Variants in UBAC2 observed in about 807,000 individuals in gnomAD.
UBAC2 encodes UBA domain containing 2, also known as ubiquitin-associated domain-containing protein 2.
A neutral mutation model predicts 44.0 loss-of-function variants in UBAC2; 26 were observed. The observed-to-expected ratio is 0.59, with a 90% CI of 0.43 to 0.82. UBAC2 has a LOEUF of 0.82. Ranked by LOEUF, UBAC2 falls within the 40% of genes least tolerant of loss-of-function variation. The pLI is 0.00. For missense variants in UBAC2, 329 were observed against 419.4 expected, an observed-to-expected ratio of 0.78 and a Z score of 1.88; for synonymous variants, 155 against 154.3, an observed-to-expected ratio of 1.00 and a Z score of -0.04.
chr13:99,343,914 T>C (rs1222697374), intron 7 of UBAC2, among the ~76,000 whole-genome samples: 1 of 152,218 alleles, frequency 6.6e-6, no homozygotes. Context: ...TTTATTTTCA[T>C]TTACTTTTCA....
At chr13:99,231,585 A>G (rs1205037125) in intron 1 of UBAC2, 1 of 150,914 alleles carries the variant, frequency 6.6e-6, no homozygotes, top group African/African-American at 2.4e-5. Context: ...TACTTTTTAT[A>G]TTTTTAGTAG....
Position 99,295,277 on chromosome 13 carries a change from A to G in UBAC2, c.390-18820A>G, listed in dbSNP as rs1310921692. 1 of 1,614,102 alleles carries G rather than the reference A, an allele frequency of 6.2e-7. No individual in the cohort carries two copies. The highest frequency in any genetic ancestry group is 8.5e-7 in the Non-Finnish European group (1 of 1,180,036). ...GTTCATCAGGCATACTGTAAAGTGC[A>G]GAGAAATCTGGAACGAATGTCTTTG... On this transcript the variant is annotated intron_variant, in intron 4 of 8. Coordinates refer to ENST00000403766, the MANE Select transcript of UBAC2 (RefSeq NM_001144072.2). This position sits in a 1 kb window ranked among gnomAD's most constrained non-coding sequence, Gnocchi z 4.1.
rs1283987338 is a variant in UBAC2, at chr13:99,238,567, T to C, written c.159+13T>C. ...GAACGACTTCCAGGTAAGCTCTGCCTCATTGGCCCCTGAGAGGAGAGCGGA... is the reference window on the plus strand; with the variant it reads ...GAACGACTTCCAGGTAAGCTCTGCCCCATTGGCCCCTGAGAGGAGAGCGGA... On this transcript the variant is annotated intron_variant, in intron 2 of 8. Coordinates refer to ENST00000403766, the MANE Select transcript of UBAC2 (RefSeq NM_001144072.2). The C allele has an allele frequency of 6.3e-7, 1 of 1,596,248 alleles. No individual in the cohort carries two copies.
rs138322102 is a variant in UBAC2 at position 99,302,276 on chromosome 13, A to G, written c.390-11821A>G. 1.3e-4 allele frequency among the ~76,000 whole-genome samples: 20 copies of G among 152,368 alleles called. No individual in the cohort carries two copies. In the East Asian group the frequency reaches 1.7e-3, roughly 13 times the overall value. ...TTTGAGGAAAGGTTAAGACTGAGGAAAAATTTCTGGAGCAGGGAGAAATAA... is the reference window on the plus strand; with the variant it reads ...TTTGAGGAAAGGTTAAGACTGAGGAGAAATTTCTGGAGCAGGGAGAAATAA... On this transcript the variant is annotated intron_variant, in intron 4 of 8. Coordinates refer to ENST00000403766, the MANE Select transcript of UBAC2 (RefSeq NM_001144072.2).
At chr13:99,343,292 G>A (rs547123821) in intron 7 of UBAC2, among the ~76,000 whole-genome samples, 19 of 152,332 alleles carry the variant, frequency 1.2e-4, no homozygotes. Flanking sequence ...TTGGCTGTTT[G>A]CGCACGCCCT....
chr13:99,248,789 A>G (rs2043420943), intron 4 of UBAC2, among the ~76,000 whole-genome samples: 3 of 152,270 alleles, frequency 2.0e-5, no homozygotes, highest in African/African-American at 7.2e-5. Flanking sequence ...GGCCTCCCAA[A>G]GGGCTGGGAT....
At chr13:99,219,811 T>C (rs2043035008) in intron 1 of UBAC2, among the ~76,000 whole-genome samples, 2 of 152,250 alleles carry the variant, frequency 1.3e-5, no homozygotes, top group Non-Finnish European at 2.9e-5. Flanking sequence ...AGTGGAGTCA[T>C]ATAGTACATA....
chr13:99,301,153 G>T (rs1223273027), intron 4 of UBAC2, among the ~76,000 whole-genome samples: 2 of 152,194 alleles, frequency 1.3e-5, no homozygotes, highest in Non-Finnish European at 2.9e-5. Context: ...TGGCCCCTCA[G>T]CCGTCCTTCG....
intron 1 of UBAC2, among the ~76,000 whole-genome samples, chr13:99,217,550 T>C (rs2043010939): frequency 6.6e-6 from 1 of 152,182 alleles, no homozygotes; most frequent in South Asian, 2.1e-4. Context: ...TGAGTCCGAC[T>C]TCTTGGGTCC....
intron 6 of UBAC2, among the ~76,000 whole-genome samples, chr13:99,335,577 G>T (rs1262908840): frequency 1.3e-5 from 2 of 152,064 alleles, no homozygotes; most frequent in Non-Finnish European, 2.9e-5. Context: ...CTGAAATTTT[G>T]CAGGAAGATG....
chr13:99,294,678 T>C (rs1409914168), intron 4 of UBAC2: 1 of 155,574 alleles, frequency 6.4e-6, no homozygotes. Flanking sequence ...AAATATGTTA[T>C]TTAAAAAGTA....
At chr13:99,372,993 G>A (rs1328807934) in intron 8 of UBAC2, among the ~76,000 whole-genome samples, 8 of 151,864 alleles carry the variant, frequency 5.3e-5, no homozygotes, top group Non-Finnish European at 8.8e-5. Context: ...GGTGACGGGC[G>A]CCTGTAGTCC....
At chr13:99,253,749 A>G (rs563252724) in intron 4 of UBAC2, among the ~76,000 whole-genome samples, 6 of 152,260 alleles carry the variant, frequency 3.9e-5, no homozygotes, top group Admixed American at 3.9e-4. Flanking sequence ...CCTGACCTCA[A>G]GTGATCCGTC....
intron 6 of UBAC2, among the ~76,000 whole-genome samples, chr13:99,322,791 T>G (rs1180809243): frequency 6.6e-6 from 1 of 152,124 alleles, no homozygotes. Flanking sequence ...AAGAAACACT[T>G]TACGATGGTG....
At chr13:99,367,127 G>A (rs930554462) in intron 7 of UBAC2, among the ~76,000 whole-genome samples, 2 of 152,096 alleles carry the variant, frequency 1.3e-5, no homozygotes, top group African/African-American at 4.8e-5. Flanking sequence ...AGCCAGGAAC[G>A]GCATTGCTGT....
intron 4 of UBAC2, among the ~76,000 whole-genome samples, chr13:99,245,271 A>G (rs1442417526): frequency 6.6e-6 from 1 of 152,262 alleles, no homozygotes; most frequent in African/African-American, 2.4e-5. Flanking sequence ...ACACAAAAAT[A>G]TAGTTTAATT....
At chr13:99,255,812 A>T in intron 4 of UBAC2, 1 of 1,609,904 alleles carries the variant, frequency 6.2e-7, no homozygotes. Flanking sequence ...GCAATTTTGT[A>T]TTCATCTGGA....
intron 5 of UBAC2, among the ~76,000 whole-genome samples, chr13:99,315,994 T>C (rs2044483586): frequency 6.6e-6 from 1 of 151,816 alleles, no homozygotes; most frequent in Non-Finnish European, 1.5e-5. Context: ...CAACCTAATA[T>C]CTAGTGCCGT....
chr13:99,339,050 T>TAAA (rs1243426845), intron 6 of UBAC2, among the ~76,000 whole-genome samples: 10 of 152,182 alleles, frequency 6.6e-5, no homozygotes, highest in Non-Finnish European at 4.4e-5. Context: ...CCTGTTACCC[T>TAAA]AAATGTCATA....
Sources: gnomAD v4.1 joint callset for allele counts (sites outside exome capture counted in the v4.1 genomes callset) on GRCh38, gnomAD v4.1.1 for gene constraint, Gnocchi (gnomAD v3.1) non-coding constraint, MANE v1.5 for transcripts, NCBI Gene and HGNC (gene_info 2026-07-23, HGNC 2026-07-21) for gene names.